Variants in SNX3 observed in about 807,000 individuals in gnomAD.
The protein encoded by SNX3 is sorting nexin-3.
Under a neutral mutation model 17.7 loss-of-function variants are expected in SNX3, and 5 were observed. The observed-to-expected ratio is 0.28, with a 90% CI of 0.15 to 0.59. The LOEUF (loss-of-function observed/expected upper bound fraction) is 0.59, where lower values mean the gene tolerates loss of function less well. Among genes scored for constraint, SNX3 ranks in the 20% least tolerant of loss-of-function variants. The pLI is 0.88. For missense variants in SNX3, 132 were observed against 206.8 expected (o/e 0.64, Z 2.22); for synonymous variants, 91 against 76.5 (o/e 1.19, Z -0.99).
chr6:108,220,008 T>TA (rs1774706105), intron 2 of SNX3, among the ~76,000 whole-genome samples: 1 of 152,078 alleles, frequency 6.6e-6, no homozygotes, highest in Non-Finnish European at 1.5e-5. Context: ...AAGAAAAAGT[T>TA]AAAAAAATTT....
chr6:108,227,765 G>A (rs1775018706), intron 1 of SNX3, among the ~76,000 whole-genome samples: 1 of 151,636 alleles, frequency 6.6e-6, no homozygotes, highest in East Asian at 1.9e-4. Context: ...ATCATTACAA[G>A]GATTTGTAAT....
chr6:108,248,167 A>C (rs1775748430), intron 1 of SNX3, among the ~76,000 whole-genome samples: 1 of 151,728 alleles, frequency 6.6e-6, no homozygotes, highest in South Asian at 2.1e-4. Flanking sequence ...GCCCACACAC[A>C]CTCCTGGCCC....
rs573927562 is a variant in SNX3 at position 108,261,002 on chromosome 6, C to T, written c.-81G>A. On this transcript the variant is annotated 5_prime_UTR_variant, in exon 1 of 4. Coordinates refer to ENST00000230085, the MANE Select transcript of SNX3 (RefSeq NM_003795.6). ...CGCCGCCGCCGCCGCTGCTGCCCGC[C>T]GTGGGGACACGGGGCTCGCGCGCAG... The T allele has an allele frequency of 2.3e-6, 3 of 1,310,604 alleles. No homozygotes were observed. Among genetic ancestry groups the T allele is most frequent in the South Asian group, 3.3e-5 (2 of 60,816 alleles). 81.2% of individuals were successfully genotyped at this position (1,310,604 alleles called of 1,614,324 possible). A position where few individuals can be genotyped will look rare whatever the true frequency, so the allele number is the denominator to read the frequency against.
At chr6:108,234,107 G>A (rs376591050) in intron 1 of SNX3, among the ~76,000 whole-genome samples, 33 of 151,948 alleles carry the variant, frequency 2.2e-4, no homozygotes, top group South Asian at 1.0e-3. Flanking sequence ...AGGGGAGAGC[G>A]GAATACTCTT....
At chr6:108,235,830 A>G (rs1434240326) in intron 1 of SNX3, among the ~76,000 whole-genome samples, 2 of 152,190 alleles carry the variant, frequency 1.3e-5, no homozygotes, top group African/African-American at 4.8e-5. Flanking sequence ...CGGAGGTTGC[A>G]GTGAGCTGAT....
intron 1 of SNX3, among the ~76,000 whole-genome samples, chr6:108,246,555 C>T (rs559131383): frequency 1.3e-3 from 199 of 151,378 alleles, no homozygotes; most frequent in Non-Finnish European, 2.4e-3. Context: ...GTCTCAAACT[C>T]CTGATCTCTG....
intron 1 of SNX3, among the ~76,000 whole-genome samples, chr6:108,244,647 GTTTTTT>G (rs1021781550): frequency 0.013 from 1,131 of 87,214 alleles, 9 homozygotes; most frequent in Admixed American, 0.023. Flanking sequence ...TAAGTAAGGA[GTTTTTT>G]TTTTTTTTTT....
intron 1 of SNX3, among the ~76,000 whole-genome samples, chr6:108,236,462 C>G (rs932055262): frequency 4.7e-5 from 7 of 148,476 alleles, no homozygotes; most frequent in African/African-American, 4.9e-5. Flanking sequence ...CGGCTCACTG[C>G]AAGCTCCGCC....
intron 1 of SNX3, among the ~76,000 whole-genome samples, chr6:108,253,822 T>A (rs902102471): frequency 6.6e-6 from 1 of 152,064 alleles, no homozygotes; most frequent in East Asian, 1.9e-4. Context: ...CTTACTGGGA[T>A]GCTTTTTAAA....
Position 108,212,069 on chromosome 6 carries a change from CAGCA to C in SNX3, c.*76_*79del, listed in dbSNP as rs993358214. 67 of 704,468 alleles carry C rather than the reference CAGCA, an allele frequency of 9.5e-5. No individual in the cohort carries two copies. The highest frequency in any genetic ancestry group is 1.1e-4 in the Admixed American group (4 of 34,848). 43.6% of individuals were successfully genotyped at this position (704,468 alleles called of 1,614,324 possible). Reference sequence around the variant, plus strand: ...AAGGCATGTTATACCAGTTTCTGTGCAGCATGCTAAAAGTTAGAACTTCTTCACT... The same window carrying C: ...AAGGCATGTTATACCAGTTTCTGTGCTGCTAAAAGTTAGAACTTCTTCACT... On this transcript the variant is annotated 3_prime_UTR_variant, in exon 4 of 4. Coordinates refer to ENST00000230085, the MANE Select transcript of SNX3 (RefSeq NM_003795.6).
At chr6:108,215,073 G>C (rs1774524722) in intron 2 of SNX3, among the ~76,000 whole-genome samples, 1 of 152,226 alleles carries the variant, frequency 6.6e-6, no homozygotes, top group Non-Finnish European at 1.5e-5. Flanking sequence ...GTTTCAGCCG[G>C]GCGTGGTGGC....
chr6:108,251,473 T>G (rs1775856086), intron 1 of SNX3, among the ~76,000 whole-genome samples: 1 of 152,134 alleles, frequency 6.6e-6, no homozygotes, highest in South Asian at 2.1e-4. Context: ...AGTACAGCAA[T>G]GCGCAGAAAC....
Position 108,250,556 on chromosome 6 carries a change from T to C in SNX3, c.162+10204A>G, listed in dbSNP as rs116120139. ...AAATTTAAGACAAGACCTGGTGATA[T>C]ACACATACATGCCTAGCTGACAAGA... On this transcript the variant is annotated intron_variant, in intron 1 of 3. Coordinates refer to ENST00000230085, the MANE Select transcript of SNX3 (RefSeq NM_003795.6). Among the ~76,000 whole-genome samples the C allele has an allele frequency of 7.4e-3, 1,133 of 152,322 alleles. 15 individuals are homozygous for C. The highest frequency in any genetic ancestry group is 0.025 in the African/African-American group (1,022 of 41,562).
At chr6:108,225,631 C>CAAACA (rs1293740553) in intron 1 of SNX3, among the ~76,000 whole-genome samples, 1 of 151,560 alleles carries the variant, frequency 6.6e-6, no homozygotes, top group Non-Finnish European at 1.5e-5. Context: ...GACTCTGACT[C>CAAACA]AAACAAAACA....
chr6:108,252,845 T>C (rs1417594808), intron 1 of SNX3, among the ~76,000 whole-genome samples: 1 of 151,800 alleles, frequency 6.6e-6, no homozygotes, highest in African/African-American at 2.4e-5. Flanking sequence ...GCCATGTTGG[T>C]CAGGCTGGTC....
chr6:108,257,194 C>T (rs1422848076), intron 1 of SNX3, among the ~76,000 whole-genome samples: 1 of 152,094 alleles, frequency 6.6e-6, no homozygotes, highest in Non-Finnish European at 1.5e-5. Flanking sequence ...AGTAGGGGTT[C>T]GGGAGAGCAG....
intron 3 of SNX3, among the ~76,000 whole-genome samples, chr6:108,214,216 G>A (rs923309366): frequency 6.6e-6 from 1 of 152,134 alleles, no homozygotes; most frequent in Non-Finnish European, 1.5e-5. Flanking sequence ...AAGTAAAACT[G>A]TATTTTTTAA....
chr6:108,229,609 CAG>C (rs113507288), intron 1 of SNX3, among the ~76,000 whole-genome samples: 9 of 152,196 alleles, frequency 5.9e-5, no homozygotes, highest in African/African-American at 1.9e-4. Context: ...GTTTTTGAGA[CAG>C]AGTTTCGCTC....
intron 2 of SNX3, among the ~76,000 whole-genome samples, chr6:108,217,633 G>A (rs973145912): frequency 2.0e-5 from 3 of 151,578 alleles, no homozygotes; most frequent in African/African-American, 7.3e-5. Context: ...GTGCATGCTT[G>A]TAACCCCTTT....
Sources: gnomAD v4.1 joint callset for allele counts (sites outside exome capture counted in the v4.1 genomes callset) on GRCh38, gnomAD v4.1.1 for gene constraint, MANE v1.5 for transcripts, NCBI Gene and HGNC (gene_info 2026-07-23, HGNC 2026-07-21) for gene names.